Variants in TMEM131L observed in about 807,000 individuals in gnomAD.
TMEM131L encodes transmembrane protein 131-like.
TMEM131L carries 54 observed loss-of-function variants against 192.2 expected under a neutral mutation model. The observed-to-expected ratio is 0.28, with a 90% CI of 0.23 to 0.35. The LOEUF (loss-of-function observed/expected upper bound fraction) is 0.35. Ranked by LOEUF, TMEM131L falls within the 10% of genes least tolerant of loss-of-function variation. TMEM131L has a pLI of 1.00. For missense variants in TMEM131L, 1,888 were observed against 1,972.9 expected, an observed-to-expected ratio of 0.96 and a Z score of 0.82; for synonymous variants, 701 against 704.9, an observed-to-expected ratio of 0.99 and a Z score of 0.09.
intron 16 of TMEM131L, 99 bp from the exon 17 acceptor site, chr4:153,590,954 A>G (rs546107917): frequency 5.4e-6 from 4 of 745,046 alleles, no homozygotes; most frequent in Non-Finnish European, 5.7e-6. Flanking sequence ...TTTAAGTGGG[A>G]ATAGTATTTA....
chr4:153,526,749 A>G (rs1735519996), intron 3 of TMEM131L, among the ~76,000 whole-genome samples: 2 of 151,754 alleles, frequency 1.3e-5, no homozygotes, highest in East Asian at 1.9e-4. Context: ...AAAAAAAAAA[A>G]GGAAGCTTGC....
chr4:153,614,636 A>T lies in TMEM131L; in HGVS notation c.3567+2236A>T, dbSNP rs187203570. 1.4e-3 allele frequency among the ~76,000 whole-genome samples: 211 copies of T among 152,340 alleles called. 1 individual carries two copies. The highest frequency in any genetic ancestry group is 4.9e-3 in the African/African-American group (202 of 41,564). Reference sequence around the variant, plus strand: ...ATTCATTTTTATAAAGACTGTCAGGATGCCTGTTACGTAGAATCAGTGTAG... The same window carrying T: ...ATTCATTTTTATAAAGACTGTCAGGTTGCCTGTTACGTAGAATCAGTGTAG... On this transcript the variant is annotated intron_variant, in intron 26 of 34. Coordinates refer to ENST00000409959, the MANE Select transcript of TMEM131L (RefSeq NM_001131007.2).
intron 31 of TMEM131L, among the ~76,000 whole-genome samples, chr4:153,630,302 G>A (rs1734124155): frequency 2.0e-5 from 3 of 152,166 alleles, no homozygotes; most frequent in Non-Finnish European, 4.4e-5. Flanking sequence ...AGGAGCCTAC[G>A]CAGCAGGATG....
intron 18 of TMEM131L, among the ~76,000 whole-genome samples, chr4:153,593,522 C>T (rs1422460978): frequency 6.6e-6 from 1 of 152,102 alleles, no homozygotes; most frequent in Non-Finnish European, 1.5e-5. Context: ...CTTCTGTCAC[C>T]ATATGCTTCC....
intron 32 of TMEM131L, 68 bp downstream of exon 32, chr4:153,632,906 GT>G: frequency 1.3e-6 from 2 of 1,558,484 alleles, no homozygotes; most frequent in Non-Finnish European, 1.8e-6. Context: ...TTTGAGTTCA[GT>G]TTCTTAGGGT....
rs184579849 is a variant in TMEM131L, at chr4:153,474,196, G to A, written c.239+308G>A. The stretch of plus-strand genomic sequence containing the variant: ...TATTGAGTGCCAGGCACCGTGCTGG[G>A]TGCTGAACATGAAACACAAACAAGA... On this transcript the variant is annotated intron_variant, in intron 3 of 34. Transcript: ENST00000409959. Among the ~76,000 whole-genome samples the A allele has an allele frequency of 5.4e-4, 83 of 152,318 alleles. 1 individual carries two copies. The highest frequency in any genetic ancestry group is 4.6e-3 in the Admixed American group (71 of 15,304).
chr4:153,620,163 C>G (rs1464754742), intron 26 of TMEM131L, among the ~76,000 whole-genome samples: 1 of 152,168 alleles, frequency 6.6e-6, no homozygotes, highest in Non-Finnish European at 1.5e-5. Context: ...GGAAAAGGCT[C>G]CAATTGAGGA....
intron 7 of TMEM131L, among the ~76,000 whole-genome samples, chr4:153,577,185 C>T (rs1398133084): frequency 2.6e-5 from 4 of 151,956 alleles, no homozygotes; most frequent in Admixed American, 6.6e-5. Flanking sequence ...AGAGCAGAAA[C>T]GAGACCAGTG....
chr4:153,485,662 A>G (rs1732279805), intron 3 of TMEM131L, among the ~76,000 whole-genome samples: 1 of 152,222 alleles, frequency 6.6e-6, no homozygotes, highest in Admixed American at 6.5e-5. Flanking sequence ...TTGAATTACA[A>G]TCCAAACAGT....
chr4:153,533,856 G>A (rs1736106884), intron 3 of TMEM131L, among the ~76,000 whole-genome samples: 1 of 152,150 alleles, frequency 6.6e-6, no homozygotes, highest in African/African-American at 2.4e-5. Context: ...ATCACTAAAT[G>A]TTGTATTTGT....
chr4:153,624,634 CA>C (rs2126793371), intron 29 of TMEM131L, among the ~76,000 whole-genome samples: 1 of 152,360 alleles, frequency 6.6e-6, no homozygotes, highest in South Asian at 2.1e-4. Flanking sequence ...TCCCTGTTCT[CA>C]CTGTCATCTG....
intron 7 of TMEM131L, among the ~76,000 whole-genome samples, chr4:153,572,620 C>T (rs1052192083): frequency 9.2e-5 from 14 of 152,248 alleles, no homozygotes; most frequent in Middle Eastern, 6.8e-3. Context: ...CATGAGCCAC[C>T]GCACCCGGCC....
intron 26 of TMEM131L, among the ~76,000 whole-genome samples, chr4:153,613,003 C>T (rs970343439): frequency 5.9e-5 from 9 of 152,072 alleles, no homozygotes; most frequent in African/African-American, 2.2e-4. Flanking sequence ...CTTAAGCTTG[C>T]CTCAGACTTT....
At chr4:153,549,729 A>G (rs1737465004) in intron 3 of TMEM131L, among the ~76,000 whole-genome samples, 1 of 152,218 alleles carries the variant, frequency 6.6e-6, no homozygotes, top group South Asian at 2.1e-4. Context: ...GGCCAACTTT[A>G]CTTGTATATC....
chr4:153,531,022 T>A (rs1735859838), intron 3 of TMEM131L, among the ~76,000 whole-genome samples: 1 of 152,208 alleles, frequency 6.6e-6, no homozygotes, highest in East Asian at 1.9e-4. Context: ...TGGCTGAGGC[T>A]GAAGAATTTT....
intron 4 of TMEM131L, among the ~76,000 whole-genome samples, chr4:153,552,149 G>A (rs56770829): frequency 0.034 from 5,185 of 152,178 alleles, 266 homozygotes; most frequent in African/African-American, 0.12. Context: ...GGCAGAGGTT[G>A]CAGTGAGCCA....
At chr4:153,474,841 C>T (rs1003754293) in intron 3 of TMEM131L, among the ~76,000 whole-genome samples, 4 of 152,180 alleles carry the variant, frequency 2.6e-5, no homozygotes, top group African/African-American at 9.7e-5. Flanking sequence ...CAGACATGAG[C>T]CACCGCACTC....
intron 16 of TMEM131L, among the ~76,000 whole-genome samples, chr4:153,589,870 C>T (rs936156127): frequency 6.6e-6 from 1 of 152,208 alleles, no homozygotes; most frequent in Non-Finnish European, 1.5e-5. Context: ...CATAGAAACA[C>T]ATACACGCAC....
At chr4:153,544,349 G>C (rs530888935) in intron 3 of TMEM131L, among the ~76,000 whole-genome samples, 32 of 152,352 alleles carry the variant, frequency 2.1e-4, no homozygotes, top group African/African-American at 7.7e-4. Context: ...CAAGAGCTGA[G>C]TAAACCCTTA....
Sources: gnomAD v4.1 joint callset for allele counts (sites outside exome capture counted in the v4.1 genomes callset) on GRCh38, gnomAD v4.1.1 for gene constraint, MANE v1.5 for transcripts, NCBI Gene and HGNC (gene_info 2026-07-23, HGNC 2026-07-21) for gene names.